Variants in RIC8B observed in about 807,000 individuals in gnomAD.
The protein encoded by RIC8B is RIC8 guanine nucleotide exchange factor B, also known as chaperone Ric-8B.
In RIC8B, 16 loss-of-function variants were observed where a neutral mutation model predicts 57.5. The ratio of observed to expected loss-of-function variants is 0.28; its 90% CI spans 0.19 to 0.42. RIC8B has a LOEUF of 0.42. RIC8B is among the 10% of genes least tolerant of loss of function. The probability of loss-of-function intolerance (pLI) is 1.00; values close to 1 mark genes in which losing one functional copy is unlikely to be tolerated. For missense variants in RIC8B, 481 were observed against 677.0 expected, an observed-to-expected ratio of 0.71 and a Z score of 3.21; for synonymous variants, 216 against 250.8, an observed-to-expected ratio of 0.86 and a Z score of 1.31.
At chr12:106,820,640 A>G (rs976339478) in intron 3 of RIC8B, among the ~76,000 whole-genome samples, 2 of 152,198 alleles carry the variant, frequency 1.3e-5, no homozygotes, top group East Asian at 3.9e-4. Flanking sequence ...CAGACATGTT[A>G]GAAACAGACA....
intron 9 of RIC8B, among the ~76,000 whole-genome samples, chr12:106,872,386 A>AG (rs939873312): frequency 3.3e-5 from 5 of 152,180 alleles, no homozygotes; most frequent in African/African-American, 7.2e-5. Flanking sequence ...CAACAGAGTC[A>AG]GGCCGGGCAC....
chr12:106,878,846 C>A, intron 9 of RIC8B: 1 of 245,484 alleles, frequency 4.1e-6, no homozygotes, highest in Non-Finnish European at 6.4e-6. Flanking sequence ...TTCTTCTTTT[C>A]TAATCATAGA....
intron 2 of RIC8B, among the ~76,000 whole-genome samples, chr12:106,790,815 G>A (rs897563852): frequency 2.0e-5 from 3 of 152,138 alleles, no homozygotes; most frequent in African/African-American, 7.2e-5. Context: ...AAATCTTTGT[G>A]TATATAGTAA....
intron 8 of RIC8B, among the ~76,000 whole-genome samples, chr12:106,866,638 T>A (rs548815557): frequency 6.6e-6 from 1 of 152,294 alleles, no homozygotes; most frequent in African/African-American, 2.4e-5. Context: ...TTTGGCTTGC[T>A]CCATGTCCTA....
chr12:106,826,680 G>A (rs1479962427), intron 4 of RIC8B, among the ~76,000 whole-genome samples: 1 of 152,202 alleles, frequency 6.6e-6, no homozygotes, highest in Non-Finnish European at 1.5e-5. Context: ...CACTGAACCT[G>A]GGAGGTGGAG....
intron 7 of RIC8B, among the ~76,000 whole-genome samples, chr12:106,856,813 C>G (rs1949732432): frequency 6.6e-6 from 1 of 152,164 alleles, no homozygotes; most frequent in Non-Finnish European, 1.5e-5. Flanking sequence ...CTTGTGCTCT[C>G]TATAAATTCA....
At chr12:106,826,403 A>G (rs1593224126) in intron 4 of RIC8B, among the ~76,000 whole-genome samples, 1 of 152,354 alleles carries the variant, frequency 6.6e-6, no homozygotes, top group East Asian at 1.9e-4. Context: ...TTTGGCAATG[A>G]TAGTTTTATT....
chr12:106,814,223 G>A (rs901518482), intron 2 of RIC8B, among the ~76,000 whole-genome samples: 2 of 152,054 alleles, frequency 1.3e-5, no homozygotes, highest in Non-Finnish European at 2.9e-5. Context: ...ACTCTATTTG[G>A]AACCTAACAC....
In RIC8B at chr12:106,886,189, T is replaced by C. The variant is rs1951178109; in HGVS notation, c.*174T>C. Reference sequence around the variant, plus strand: ...AGGTGACCCTGTGTTTTTTGTGATATTGAGGCATTCATACAGAGCTGCAGT... The same window carrying C: ...AGGTGACCCTGTGTTTTTTGTGATACTGAGGCATTCATACAGAGCTGCAGT... On this transcript the variant is annotated 3_prime_UTR_variant, in exon 10 of 10. Transcript: ENST00000392837. 6 of 586,628 alleles carry C rather than the reference T, an allele frequency of 1.0e-5. No individual in the cohort carries two copies. Among genetic ancestry groups the C allele is most frequent in the South Asian group, 4.5e-5 (2 of 44,728 alleles). The allele number at this position is 586,628 out of a possible 1,614,324, so 36.3% of individuals were successfully genotyped here. A position where few individuals can be genotyped will look rare whatever the true frequency, so the allele number is the denominator to read the frequency against.
In RIC8B at chr12:106,815,297, A is replaced by G; in HGVS notation, c.734A>G (p.His245Arg). The change falls in exon 3 of 10, where the codon CAT becomes CGT. Residue 245 changes from histidine (H) to arginine (R), a missense_variant. This residue lies in a region of RIC8B where 421 missense variants were observed against 560.9 expected (regional missense o/e 0.75). Transcript: ENST00000392837. ...GTGACGGTAGACAGTTGGAAGGTGC[A>G]TAAAGAGGTAAGGTAGAGAAGGCTA... ...FNVTVDSWKV[H>R]KESDSHQFRV... is the part of the protein sequence containing the mutation. 3 of 1,609,494 alleles carry G rather than the reference A, an allele frequency of 1.9e-6. No homozygotes were observed. Among genetic ancestry groups the G allele is most frequent in the Non-Finnish European group, 2.5e-6 (3 of 1,178,062 alleles).
At chr12:106,788,896 A>G (rs1212963148) in intron 2 of RIC8B, among the ~76,000 whole-genome samples, 3 of 152,184 alleles carry the variant, frequency 2.0e-5, no homozygotes, top group African/African-American at 7.2e-5. Context: ...TAGTTTCACA[A>G]TTTCTGCAAC....
rs1414309477 is a variant in RIC8B at position 106,879,636 on chromosome 12, C to T, written c.1572-6268C>T. ...TTTTTTTGGTTTCCATTAGCAGTCC[C>T]AAGGGTTAGGCTGGGGCAAAATAGG... On this transcript the variant is annotated intron_variant, in intron 9 of 9. Coordinates refer to ENST00000392837, the MANE Select transcript of RIC8B (RefSeq NM_001330145.2). This position sits in a 1 kb window ranked among gnomAD's most constrained non-coding sequence, Gnocchi z 4.9. 7.4e-5 allele frequency: 73 copies of T among 985,230 alleles called. No homozygotes were observed. Among genetic ancestry groups the T allele is most frequent in the African/African-American group, 8.7e-5 (5 of 57,214 alleles). 61.0% of individuals were successfully genotyped at this position (985,230 alleles called of 1,614,324 possible). A position where few individuals can be genotyped will look rare whatever the true frequency, so the allele number is the denominator to read the frequency against.
chr12:106,868,285 A>C (rs1950224204), intron 8 of RIC8B: 1 of 456,506 alleles, frequency 2.2e-6, no homozygotes, highest in Non-Finnish European at 4.4e-6. Flanking sequence ...TACAGGCCTG[A>C]TTTTTCAAAT....
chr12:106,885,310 A>AAGG (rs1018795425), intron 9 of RIC8B, among the ~76,000 whole-genome samples: 1 of 152,078 alleles, frequency 6.6e-6, no homozygotes, highest in Non-Finnish European at 1.5e-5. Context: ...GTTTTTTAGA[A>AAGG]AGGAGGAGGA....
intron 1 of RIC8B, chr12:106,775,040 C>CT: frequency 1.8e-6 from 1 of 562,634 alleles, no homozygotes; most frequent in Non-Finnish European, 3.2e-6. Flanking sequence ...GCCCACTCCT[C>CT]TGATTCCTGG....
chr12:106,868,853 T>C (rs1288794441), intron 8 of RIC8B, among the ~76,000 whole-genome samples: 1 of 145,174 alleles, frequency 6.9e-6, no homozygotes, highest in Admixed American at 6.8e-5. Flanking sequence ...CCAAGCTTTT[T>C]TTTTTTTTTT....
At chr12:106,880,010 G>A (rs775773988) in intron 9 of RIC8B, 19 of 939,992 alleles carry the variant, frequency 2.0e-5, no homozygotes, top group Non-Finnish European at 2.4e-5. Flanking sequence ...TCAATATACA[G>A]TATCTCCGTT....
intron 9 of RIC8B, among the ~76,000 whole-genome samples, chr12:106,885,677 AG>A (rs1951149731): frequency 6.6e-6 from 1 of 151,810 alleles, no homozygotes; most frequent in Non-Finnish European, 1.5e-5. Context: ...TTGGCTTAGT[AG>A]GTTTGGCCTG....
chr12:106,835,877 T>C (rs1185431980), intron 4 of RIC8B, among the ~76,000 whole-genome samples: 1 of 152,198 alleles, frequency 6.6e-6, no homozygotes, highest in Non-Finnish European at 1.5e-5. Context: ...CAGGGGTCTT[T>C]CCATTCAAAG....
Sources: gnomAD v4.1 joint callset for allele counts (sites outside exome capture counted in the v4.1 genomes callset) on GRCh38, gnomAD v4.1.1 for gene constraint, gnomAD v4.1.1 regional missense constraint, Gnocchi (gnomAD v3.1) non-coding constraint, MANE v1.5 for transcripts, NCBI Gene and HGNC (gene_info 2026-07-23, HGNC 2026-07-21) for gene names.